Variants in WDR45B observed in about 807,000 individuals in gnomAD.
The protein encoded by WDR45B is WD repeat domain phosphoinositide-interacting protein 3.
In WDR45B, 20 loss-of-function variants were observed where a neutral mutation model predicts 44.6. The ratio of observed to expected loss-of-function variants is 0.45; its 90% CI spans 0.32 to 0.65. The LOEUF is 0.65. Ranked by LOEUF, WDR45B falls within the 30% of genes least tolerant of loss-of-function variation. WDR45B has a pLI of 0.05. For missense variants in WDR45B, 323 were observed against 430.2 expected, an observed-to-expected ratio of 0.75 and a Z score of 2.20; for synonymous variants, 169 against 164.9, an observed-to-expected ratio of 1.02 and a Z score of -0.19.
rs778836955 is a variant in WDR45B, at chr17:82,627,195, C to G, written c.332+9G>C. The G allele has an allele frequency of 1.2e-6, 2 of 1,610,406 alleles. No homozygotes were observed. The highest frequency in any genetic ancestry group is 1.7e-5 in the Admixed American group (1 of 60,020). ...TACCACTTTAAAAAATTACTGACAC[C>G]AAACCCACCTATCTCGCCGCAGCTT... On this transcript the variant is annotated intron_variant, in intron 4 of 9. Coordinates refer to ENST00000392325, the MANE Select transcript of WDR45B (RefSeq NM_019613.4).
intron 2 of WDR45B, among the ~76,000 whole-genome samples, chr17:82,632,319 G>A (rs1179541524): frequency 5.9e-5 from 9 of 151,822 alleles, no homozygotes; most frequent in Non-Finnish European, 1.0e-4. Context: ...ACATCACCGC[G>A]CCTGGTTAAT....
chr17:82,628,583 A>G (rs1341593255), intron 3 of WDR45B, among the ~76,000 whole-genome samples: 2 of 151,486 alleles, frequency 1.3e-5, no homozygotes, highest in Admixed American at 6.6e-5. Context: ...TGAAAAAAAA[A>G]GTTATTAAAA....
At chr17:82,639,829 A>T (rs1204012630) in intron 2 of WDR45B, among the ~76,000 whole-genome samples, 92 of 55,584 alleles carry the variant, frequency 1.7e-3, no homozygotes, top group Admixed American at 4.1e-3. Flanking sequence ...TCAGGTCGGG[A>T]GGGCTGCCGG....
intron 2 of WDR45B, among the ~76,000 whole-genome samples, chr17:82,637,876 C>A (rs547311965): frequency 6.6e-6 from 1 of 151,630 alleles, no homozygotes; most frequent in Non-Finnish European, 1.5e-5. Flanking sequence ...GGTCCTGAGA[C>A]CCACAATTAG....
chr17:82,630,265 C>G (rs2045749972), intron 3 of WDR45B, among the ~76,000 whole-genome samples: 1 of 151,932 alleles, frequency 6.6e-6, no homozygotes, highest in Non-Finnish European at 1.5e-5. Context: ...ACCTGGCATT[C>G]AAGCCTCCCC....
At chr17:82,627,124 T>C in intron 4 of WDR45B, 80 bp downstream of exon 4, 1 of 1,159,200 alleles carries the variant, frequency 8.6e-7, no homozygotes, top group Non-Finnish European at 1.3e-6. Flanking sequence ...AACATTTTTC[T>C]GCCAAAAATA....
chr17:82,648,363 GCTC>G lies in WDR45B; in HGVS notation c.-26_-24del. On this transcript the variant is annotated 5_prime_UTR_variant, in exon 1 of 10. Transcript: ENST00000392325. ...CATGGCGCCGCCGTGCTGGGTCGCC[GCTC>G]CTCAGCGCTGCATGCCTCTCGCTGG... 1 of 1,601,674 alleles carries G rather than the reference GCTC, an allele frequency of 6.2e-7. No homozygotes were observed. The highest frequency in any genetic ancestry group is 8.5e-7 in the Non-Finnish European group (1 of 1,175,978).
chr17:82,638,841 T>A (rs966428259), intron 2 of WDR45B, among the ~76,000 whole-genome samples: 1 of 152,026 alleles, frequency 6.6e-6, no homozygotes, highest in African/African-American at 2.4e-5. Flanking sequence ...GTACTTTTTT[T>A]GAGACAGAGT....
chr17:82,627,491 C>T (rs983949698), intron 3 of WDR45B, among the ~76,000 whole-genome samples, 200 bp from the exon 4 acceptor site: 13 of 152,250 alleles, frequency 8.5e-5, no homozygotes, highest in African/African-American at 1.9e-4. Flanking sequence ...GATCCGCCCT[C>T]GGGCACCTTC....
At chr17:82,625,888 A>G (rs754112846) in intron 4 of WDR45B, 9 of 252,550 alleles carry the variant, frequency 3.6e-5, no homozygotes, top group Non-Finnish European at 5.5e-5. Flanking sequence ...TATTATTATT[A>G]TTACTTTTTT....
intron 7 of WDR45B, 192 bp from the exon 8 acceptor site, chr17:82,617,589 A>G: frequency 1.5e-6 from 1 of 645,816 alleles, no homozygotes; most frequent in Non-Finnish European, 2.8e-6. Context: ...CCACAAAGCC[A>G]CAGCCACAAT....
chr17:82,644,868 C>G (rs2045957017), intron 1 of WDR45B, among the ~76,000 whole-genome samples: 1 of 152,224 alleles, frequency 6.6e-6, no homozygotes, highest in African/African-American at 2.4e-5. Context: ...GCCTCTAAAA[C>G]TCCCATTTGA....
chr17:82,641,108 G>A (rs2045909534), intron 2 of WDR45B, among the ~76,000 whole-genome samples: 1 of 151,592 alleles, frequency 6.6e-6, no homozygotes, highest in South Asian at 2.1e-4. Context: ...TTGAATTACA[G>A]GTATGCGCCA....
intron 2 of WDR45B, among the ~76,000 whole-genome samples, chr17:82,641,265 C>T (rs2045911808): frequency 1.3e-5 from 2 of 152,030 alleles, no homozygotes; most frequent in Non-Finnish European, 2.9e-5. Flanking sequence ...CCGTGCGGGC[C>T]GTCAAACTCA....
chr17:82,620,630 C>T (rs901481720), intron 6 of WDR45B, among the ~76,000 whole-genome samples: 1 of 152,142 alleles, frequency 6.6e-6, no homozygotes, highest in East Asian at 1.9e-4. Flanking sequence ...AAACGGATAC[C>T]ATCACCGGCT....
At chr17:82,636,600 G>A (rs2045835890) in intron 2 of WDR45B, 1 of 152,004 alleles carries the variant, frequency 6.6e-6, no homozygotes. Context: ...CCCAAGGGCT[G>A]GTACTGAAAT....
chr17:82,615,910 C>T lies in WDR45B; in HGVS notation c.*9G>A. The T allele has an allele frequency of 6.2e-7, 1 of 1,612,888 alleles. No individual in the cohort carries two copies. The highest frequency in any genetic ancestry group is 8.5e-7 in the Non-Finnish European group (1 of 1,179,472). ...CAGGTGGTGGGTGCTGTGGCGCCCC[C>T]AGCTGGAGTCACAGCTTGTCATCGG... On this transcript the variant is annotated 3_prime_UTR_variant, in exon 10 of 10. Coordinates refer to ENST00000392325, the MANE Select transcript of WDR45B (RefSeq NM_019613.4).
At chr17:82,636,051 C>A (rs1487902249) in intron 2 of WDR45B, among the ~76,000 whole-genome samples, 1 of 151,918 alleles carries the variant, frequency 6.6e-6, no homozygotes, top group East Asian at 1.9e-4. Context: ...CGCGTCACTG[C>A]ACTCTAGCCT....
At chr17:82,616,090 C>T (rs2045530314) in intron 9 of WDR45B, 65 bp from the exon 10 acceptor site, 4 of 1,454,518 alleles carry the variant, frequency 2.8e-6, no homozygotes, top group South Asian at 1.2e-5. Context: ...CAACGAGTCC[C>T]ACTGAGCTGA....
Sources: gnomAD v4.1 joint callset for allele counts (sites outside exome capture counted in the v4.1 genomes callset) on GRCh38, gnomAD v4.1.1 for gene constraint, MANE v1.5 for transcripts, NCBI Gene and HGNC (gene_info 2026-07-23, HGNC 2026-07-21) for gene names.